Variants in NTRK2 observed in about 807,000 individuals in gnomAD.
NTRK2 encodes the protein neurotrophic receptor tyrosine kinase 2, also known as BDNF/NT-3 growth factors receptor.
A neutral mutation model predicts 94.5 loss-of-function variants in NTRK2; 13 were observed. The observed-to-expected ratio is 0.14, with a 90% CI of 0.09 to 0.22. NTRK2 has a LOEUF of 0.22. Among genes scored for constraint, NTRK2 ranks in the 10% least tolerant of loss-of-function variants. NTRK2 has a pLI of 1.00. For synonymous variants in NTRK2, 372 were observed against 407.4 expected, an observed-to-expected ratio of 0.91 and a Z score of 1.05; for missense variants, 639 against 1,071.2, an observed-to-expected ratio of 0.60 and a Z score of 5.63.
intron 8 of NTRK2, among the ~76,000 whole-genome samples, chr9:84,726,210 G>T (rs960414089): frequency 8.1e-4 from 124 of 152,232 alleles, no homozygotes; most frequent in Non-Finnish European, 1.5e-4. Context: ...CAACTGGCTG[G>T]GTGTGGTGGC....
chr9:84,721,475 C>T (rs573632718), intron 6 of NTRK2, among the ~76,000 whole-genome samples: 2 of 152,286 alleles, frequency 1.3e-5, no homozygotes, highest in Non-Finnish European at 2.9e-5. Flanking sequence ...TGCACCCGGC[C>T]ACATACTCAT....
Position 85,026,546 on chromosome 9 carries a change from G to A in NTRK2, c.*5109G>A, listed in dbSNP as rs1833043244. On this transcript the variant is annotated 3_prime_UTR_variant, in exon 19 of 19. Coordinates refer to ENST00000277120, the MANE Select transcript of NTRK2 (RefSeq NM_006180.6). ...TAAATACAAGGTCTTTGAATTAAAT[G>A]TGGATTTTAAATATGTAATCCCTTG... 3 of 232,620 alleles carry A rather than the reference G, an allele frequency of 1.3e-5. No homozygotes were observed. The highest frequency in any genetic ancestry group is 1.7e-5 in the Non-Finnish European group (2 of 117,740). The allele number at this position is 232,620 out of a possible 1,614,324, so 14.4% of individuals were successfully genotyped here. A position where few individuals can be genotyped will look rare whatever the true frequency, so the allele number is the denominator to read the frequency against.
chr9:84,796,065 A>G (rs2069290209), intron 12 of NTRK2, among the ~76,000 whole-genome samples: 1 of 152,038 alleles, frequency 6.6e-6, no homozygotes, highest in Non-Finnish European at 1.5e-5. Context: ...ATTGTGTCAC[A>G]TGGGATTGCA....
intron 17 of NTRK2, among the ~76,000 whole-genome samples, chr9:85,008,679 CGTT>C (rs1226338257): frequency 6.6e-6 from 1 of 152,114 alleles, no homozygotes; most frequent in African/African-American, 2.4e-5. Flanking sequence ...CATGGAAAGT[CGTT>C]GTAATCACAA....
intron 2 of NTRK2, among the ~76,000 whole-genome samples, chr9:84,690,383 A>C (rs2059973998): frequency 6.6e-6 from 1 of 152,210 alleles, no homozygotes. Flanking sequence ...AGAGCTTTCA[A>C]AACTGTGTTC....
intron 12 of NTRK2, among the ~76,000 whole-genome samples, chr9:84,855,200 C>T (rs2075007276): frequency 6.6e-6 from 1 of 152,114 alleles, no homozygotes; most frequent in Non-Finnish European, 1.5e-5. Context: ...CTGATTTATA[C>T]TTGAAAATGG....
chr9:84,758,872 GT>G (rs1198405857), intron 12 of NTRK2, among the ~76,000 whole-genome samples: 13 of 152,290 alleles, frequency 8.5e-5, no homozygotes, highest in Middle Eastern at 3.4e-3. Context: ...GAAAATCTCA[GT>G]AATTAACTCT....
chr9:84,848,108 A>C (rs2074562964), intron 12 of NTRK2, among the ~76,000 whole-genome samples: 1 of 144,868 alleles, frequency 6.9e-6, no homozygotes, highest in Non-Finnish European at 1.5e-5. Flanking sequence ...AGAGAGAGAG[A>C]GAGCTCAAGC....
intron 17 of NTRK2, among the ~76,000 whole-genome samples, chr9:85,013,163 A>C (rs573081858): frequency 5.3e-5 from 8 of 152,298 alleles, no homozygotes; most frequent in Non-Finnish European, 1.2e-4. Context: ...CTACCCACAA[A>C]GTATCCCCTG....
At position 84,723,607 on chromosome 9, in the gene NTRK2, C is replaced by T. The variant is rs2062225556; in HGVS notation, c.618C>T (p.Leu206=). 6.2e-7 allele frequency: 1 copy of T among 1,614,026 alleles called. No individual in the cohort carries two copies. The highest frequency in any genetic ancestry group is 1.3e-5 in the African/African-American group (1 of 74,938). ...LPSANLAAPN[L]TVEEGKSITL... ...CTGCAAATCTGGCCGCACCTAACCTCACTGTGGAGGAAGGAAAGTCTATCA... is the reference window on the plus strand; with the variant it reads ...CTGCAAATCTGGCCGCACCTAACCTTACTGTGGAGGAAGGAAAGTCTATCA... Residue 206 remains leucine, a synonymous_variant, in exon 7 of 19, where the codon CTC becomes CTT. Coordinates refer to ENST00000277120, the MANE Select transcript of NTRK2 (RefSeq NM_006180.6).
At chr9:84,872,289 G>A (rs2075894376) in intron 14 of NTRK2, 9 of 1,115,680 alleles carry the variant, frequency 8.1e-6, no homozygotes, top group South Asian at 7.4e-5. Flanking sequence ...CACACCTTCT[G>A]AGCTGAAACA....
intron 12 of NTRK2, among the ~76,000 whole-genome samples, chr9:84,822,172 G>C (rs910490987): frequency 1.8e-4 from 27 of 152,096 alleles, no homozygotes; most frequent in African/African-American, 6.5e-4. Context: ...GCTATTTCAG[G>C]GGGTCTCCAT....
intron 14 of NTRK2, among the ~76,000 whole-genome samples, chr9:84,878,617 A>T (rs1403701088): frequency 6.7e-6 from 1 of 149,548 alleles, no homozygotes; most frequent in Non-Finnish European, 1.5e-5. Flanking sequence ...CTGGCGACAG[A>T]AAGAGACTAT....
chr9:84,697,494 C>T (rs1383982161), intron 2 of NTRK2, among the ~76,000 whole-genome samples: 3 of 152,182 alleles, frequency 2.0e-5, no homozygotes, highest in Non-Finnish European at 4.4e-5. Context: ...GAGCTTGACT[C>T]GGTGAAGAGC....
At chr9:84,950,266 A>G (rs1336119684) in intron 16 of NTRK2, among the ~76,000 whole-genome samples, 3 of 152,226 alleles carry the variant, frequency 2.0e-5, no homozygotes, top group African/African-American at 7.2e-5. Context: ...GATAAGATGC[A>G]GGAAGTTGGT....
At chr9:84,729,222 T>G (rs1303241853) in intron 9 of NTRK2, among the ~76,000 whole-genome samples, 2 of 152,252 alleles carry the variant, frequency 1.3e-5, no homozygotes, top group Non-Finnish European at 2.9e-5. Flanking sequence ...ACTAGACCTC[T>G]TTTTAAATGC....
chr9:84,689,294 G>T (rs2059904991), intron 2 of NTRK2, among the ~76,000 whole-genome samples: 1 of 152,252 alleles, frequency 6.6e-6, no homozygotes. Flanking sequence ...CCTTTGGCTT[G>T]TCTGTGCATT....
At chr9:84,692,469 T>TTTTTTTTTTTTTTTTTTTTTTTTTTC in intron 2 of NTRK2, among the ~76,000 whole-genome samples, 1 of 11,132 alleles carries the variant, frequency 9.0e-5, no homozygotes, top group Non-Finnish European at 1.7e-4. Flanking sequence ...TCTTTTTTTC[T>TTTTTTTTTTTTTTTTTTTTTTTTTTC]TTTTTTTTTT....
At chr9:84,699,657 G>A (rs896927113) in intron 2 of NTRK2, among the ~76,000 whole-genome samples, 2 of 145,594 alleles carry the variant, frequency 1.4e-5, no homozygotes, top group Non-Finnish European at 3.0e-5. Context: ...TTAAGCTTAT[G>A]TGTGTGTTTT....
Sources: allele counts gnomAD v4.1 joint callset (sites outside exome capture counted in the v4.1 genomes callset), GRCh38; gene constraint gnomAD v4.1.1; transcripts MANE v1.5; gene names NCBI Gene and HGNC (gene_info 2026-07-23, HGNC 2026-07-21).